Variants in MCTP2 observed in about 807,000 individuals in gnomAD.
MCTP2 encodes the protein multiple C2 and transmembrane domain containing 2.
MCTP2 carries 132 observed loss-of-function variants against 111.6 expected under a neutral mutation model. The ratio of observed to expected loss-of-function variants is 1.18; its 90% CI spans 1.03 to 1.37. The LOEUF is 1.37. Ranked by LOEUF, MCTP2 falls within the 40% of genes most tolerant of loss-of-function variation. The pLI, the probability that MCTP2 is intolerant of heterozygous loss-of-function variation, is 0.00. For synonymous variants in MCTP2, 395 were observed against 387.7 expected (o/e 1.02, Z -0.22); for missense variants, 1,183 against 1,067.9 (o/e 1.11, Z -1.50).
intron 1 of MCTP2, among the ~76,000 whole-genome samples, chr15:94,243,197 G>T (rs547791317): frequency 3.6e-4 from 54 of 148,060 alleles, no homozygotes; most frequent in African/African-American, 1.0e-3. Context: ...GCGTATATAC[G>T]TATGCGTATA....
At chr15:94,339,049 C>T (rs754123735) in intron 4 of MCTP2, among the ~76,000 whole-genome samples, 41 of 152,058 alleles carry the variant, frequency 2.7e-4, no homozygotes, top group Admixed American at 4.6e-4. Context: ...GAGTGACCTA[C>T]CCACAATGAA....
intron 19 of MCTP2, among the ~76,000 whole-genome samples, chr15:94,455,878 A>G (rs192574291): frequency 1.4e-4 from 22 of 152,366 alleles, no homozygotes; most frequent in Admixed American, 1.4e-3. Flanking sequence ...TAATCCTGAC[A>G]TCGGTATATA....
chr15:94,448,910 G>A (rs1366790397), intron 19 of MCTP2, among the ~76,000 whole-genome samples: 5 of 152,112 alleles, frequency 3.3e-5, no homozygotes, highest in East Asian at 1.9e-4. Context: ...GCATGGTGGC[G>A]CACACCTGTA....
At chr15:94,243,398 CGTATGTACATACATACGTATGCGTAT>C (rs1567251584) in intron 1 of MCTP2, among the ~76,000 whole-genome samples, 4 of 142,890 alleles carry the variant, frequency 2.8e-5, no homozygotes, top group African/African-American at 8.0e-5. Context: ...TGCGTATATG[CGTATGTACATACATACGTATGCGTAT>C]ATGCGTATGT....
At chr15:94,400,601 CT>C (rs34352208) in intron 16 of MCTP2, among the ~76,000 whole-genome samples, 27,478 of 136,434 alleles carry the variant, frequency 0.2, 2,798 homozygotes, top group South Asian at 0.3. Context: ...GGAAGTTTCA[CT>C]TTTTTTTTTT....
chr15:94,240,600 A>T (rs1387795367), intron 1 of MCTP2, among the ~76,000 whole-genome samples: 4 of 152,152 alleles, frequency 2.6e-5, no homozygotes, highest in South Asian at 2.1e-4. Flanking sequence ...ATCCATGTAG[A>T]CCTGGAATCT....
chr15:94,341,684 A>T (rs373260431), intron 7 of MCTP2: 1 of 152,176 alleles, frequency 6.6e-6, no homozygotes, highest in African/African-American at 2.4e-5. Context: ...GAAAACCGTG[A>T]TTGATTTACT....
chr15:94,352,702 C>T (rs1239580133), intron 8 of MCTP2, among the ~76,000 whole-genome samples: 2 of 152,086 alleles, frequency 1.3e-5, no homozygotes, highest in African/African-American at 2.4e-5. Context: ...TAGGTTCGGG[C>T]ACAGGCATGA....
At chr15:94,274,455 A>G (rs1307491645) in intron 1 of MCTP2, among the ~76,000 whole-genome samples, 1 of 152,182 alleles carries the variant, frequency 6.6e-6, no homozygotes, top group Non-Finnish European at 1.5e-5. Context: ...CAGAGGAAAA[A>G]TTAATTTTAG....
chr15:94,327,218 A>AT (rs1459689032), intron 4 of MCTP2, among the ~76,000 whole-genome samples: 1 of 151,836 alleles, frequency 6.6e-6, no homozygotes, highest in Non-Finnish European at 1.5e-5. Flanking sequence ...CTAGTTTTAC[A>AT]TTTTTTCATT....
intron 1 of MCTP2, among the ~76,000 whole-genome samples, chr15:94,250,936 C>CT (rs2152267022): frequency 6.6e-6 from 1 of 152,296 alleles, no homozygotes; most frequent in African/African-American, 2.4e-5. Context: ...AAGAAAATGT[C>CT]TTATCTAAAT....
chr15:94,354,885 G>A (rs1211342280), intron 8 of MCTP2, among the ~76,000 whole-genome samples: 2 of 152,128 alleles, frequency 1.3e-5, no homozygotes, highest in African/African-American at 4.8e-5. Flanking sequence ...TAAATGATCT[G>A]GAAGATATAG....
At chr15:94,308,958 G>A (rs1364546277) in intron 2 of MCTP2, among the ~76,000 whole-genome samples, 1 of 152,204 alleles carries the variant, frequency 6.6e-6, no homozygotes, top group Non-Finnish European at 1.5e-5. Context: ...TTCAGATTTT[G>A]CTATTAGATT....
chr15:94,387,109 C>T (rs987036314), intron 14 of MCTP2, among the ~76,000 whole-genome samples: 13 of 151,194 alleles, frequency 8.6e-5, no homozygotes, highest in Non-Finnish European at 2.9e-5. Context: ...TCTCCTTCCT[C>T]TCCTCCCTTC....
At chr15:94,383,955 G>A (rs1596535143) in intron 12 of MCTP2, 67 bp from the exon 13 acceptor site, 1 of 1,147,780 alleles carries the variant, frequency 8.7e-7, no homozygotes, top group East Asian at 2.4e-5. Flanking sequence ...TCTGACTCTT[G>A]TTCACATTGC....
Position 94,443,051 on chromosome 15 carries a change from T to C in MCTP2, c.2250+91T>C. On this transcript the variant is annotated intron_variant, in intron 19 of 22. Coordinates refer to ENST00000357742, the MANE Select transcript of MCTP2 (RefSeq NM_001385001.1). ...CAGGTTGAGTCTCTCTCCTCTCTTT[T>C]TTTTTTTTTTTTTAATATGATAGAG... The C allele has an allele frequency of 1.0e-5, 9 of 894,514 alleles. No homozygotes were observed. In the Admixed American group the frequency reaches 1.2e-4, roughly 12 times the overall value. 55.4% of individuals were successfully genotyped at this position (894,514 alleles called of 1,614,324 possible). A position where few individuals can be genotyped will look rare whatever the true frequency, so the allele number is the denominator to read the frequency against.
rs369681689 is a variant in MCTP2, at chr15:94,279,832, CA to C, written c.-65-18365del. Reference sequence around the variant, plus strand: ...TAACATGAAGGATTTTGGATTTTATCAAAAGCCTTTTCTGCATCTATTCAGA... The same window carrying C: ...TAACATGAAGGATTTTGGATTTTATCAAAGCCTTTTCTGCATCTATTCAGA... On this transcript the variant is annotated intron_variant, in intron 1 of 22. Transcript: ENST00000357742. 1.4e-4 allele frequency among the ~76,000 whole-genome samples: 22 copies of C among 152,198 alleles called. No individual in the cohort carries two copies. The East Asian group carries it at 4.0e-3, about 28-fold the overall frequency.
chr15:94,421,769 A>G (rs138505202), intron 17 of MCTP2, among the ~76,000 whole-genome samples: 200 of 152,290 alleles, frequency 1.3e-3, no homozygotes, highest in African/African-American at 4.6e-3. Context: ...ACCTATTTTA[A>G]GGTCAGATGA....
At chr15:94,234,958 A>C (rs912924085) in intron 1 of MCTP2, among the ~76,000 whole-genome samples, 2 of 152,154 alleles carry the variant, frequency 1.3e-5, no homozygotes, top group African/African-American at 4.8e-5. Context: ...AGCCATTAAA[A>C]GCCCTGGTGG....
Sources: gnomAD v4.1 joint callset for allele counts (sites outside exome capture counted in the v4.1 genomes callset) on GRCh38, gnomAD v4.1.1 for gene constraint, MANE v1.5 for transcripts, NCBI Gene and HGNC (gene_info 2026-07-23, HGNC 2026-07-21) for gene names.